KCNN2: variants seen among roughly 807,000 people sequenced by gnomAD.
KCNN2 encodes the protein small conductance calcium-activated potassium channel protein 2.
KCNN2 carries 24 observed loss-of-function variants against 55.5 expected under a neutral mutation model. That is an observed-to-expected ratio of 0.43 (90% confidence interval 0.31 to 0.61). KCNN2 has a LOEUF of 0.61. Ranked by LOEUF, KCNN2 falls within the 20% of genes least tolerant of loss-of-function variation. The pLI, the probability that KCNN2 is intolerant of heterozygous loss-of-function variation, is 0.08. For synonymous variants in KCNN2, 431 were observed against 336.1 expected, an observed-to-expected ratio of 1.28 and a Z score of -3.09; for missense variants, 754 against 853.6, an observed-to-expected ratio of 0.88 and a Z score of 1.45.
chr5:114,404,992 A>G, intron 3 of KCNN2, 136 bp downstream of exon 3: 1 of 672,176 alleles, frequency 1.5e-6, no homozygotes. Context: ...CTTCTTTGAA[A>G]TGACTGTGAC....
intron 1 of KCNN2, among the ~76,000 whole-genome samples, chr5:114,096,408 AG>A (rs1268504214): frequency 6.6e-6 from 1 of 152,288 alleles, no homozygotes; most frequent in African/African-American, 2.4e-5. Flanking sequence ...TCAATTTACA[AG>A]TTCTATTACA....
intron 3 of KCNN2, among the ~76,000 whole-genome samples, chr5:114,420,044 T>G (rs1000889764): frequency 1.3e-5 from 2 of 152,190 alleles, no homozygotes; most frequent in African/African-American, 4.8e-5. Context: ...TGCAGTAAGA[T>G]ATGAAAGAAT....
intron 6 of KCNN2, 139 bp from the exon 7 acceptor site, chr5:114,493,264 C>T: frequency 1.4e-6 from 1 of 727,518 alleles, no homozygotes; most frequent in East Asian, 2.6e-5. Flanking sequence ...GACACATAAC[C>T]AGTTTGGACT....
At chr5:114,299,776 C>T (rs1026909341) in intron 2 of KCNN2, among the ~76,000 whole-genome samples, 1 of 152,194 alleles carries the variant, frequency 6.6e-6, no homozygotes, top group African/African-American at 2.4e-5. Context: ...TCCTCAGCCA[C>T]TTCTGTGCTC....
chr5:114,311,567 T>C (rs1185854579), intron 2 of KCNN2, among the ~76,000 whole-genome samples: 1 of 152,202 alleles, frequency 6.6e-6, no homozygotes, highest in Non-Finnish European at 1.5e-5. Context: ...TCATGTCATC[T>C]CTTTCTACTT....
At position 114,362,946 on chromosome 5, in the gene KCNN2, C is replaced by CGCG. The variant is rs1554083378; in HGVS notation, c.809_810insGGC (p.Ala270dup). 1.9e-6 allele frequency: 3 copies of CGCG among 1,588,158 alleles called. No individual in the cohort carries two copies. Among genetic ancestry groups the CGCG allele is most frequent in the Non-Finnish European group, 2.6e-6 (3 of 1,174,348 alleles). ...CGTCTGCAGCCGCTGCCGCCGCCGC[C>CGCG]GCTGTTTCGTCCTCAGCCCCCGAGA... On this transcript the variant is annotated inframe_insertion, in exon 1 of 8. Transcript: ENST00000673685.
At chr5:114,444,273 G>A (rs1760320787) in intron 3 of KCNN2, among the ~76,000 whole-genome samples, 1 of 152,068 alleles carries the variant, frequency 6.6e-6, no homozygotes, top group Admixed American at 6.5e-5. Flanking sequence ...CAGGTGCCAT[G>A]GACCATACAG....
At chr5:114,073,347 A>G (rs1311695986) in intron 1 of KCNN2, among the ~76,000 whole-genome samples, 3 of 152,204 alleles carry the variant, frequency 2.0e-5, no homozygotes, top group Non-Finnish European at 4.4e-5. Flanking sequence ...AACTTCTTAC[A>G]TGGCTGGCCT....
At chr5:114,154,319 A>C (rs1752585780) in intron 1 of KCNN2, among the ~76,000 whole-genome samples, 1 of 152,076 alleles carries the variant, frequency 6.6e-6, no homozygotes, top group African/African-American at 2.4e-5. Context: ...TGAGCACAAA[A>C]ATTTTGCTTT....
intron 1 of KCNN2, among the ~76,000 whole-genome samples, chr5:114,113,980 T>C (rs1751660578): frequency 6.6e-6 from 1 of 152,084 alleles, no homozygotes; most frequent in South Asian, 2.1e-4. Context: ...TGGGGTGACA[T>C]TTGGATCACC....
intron 1 of KCNN2, among the ~76,000 whole-genome samples, chr5:114,094,401 G>A (rs542329634): frequency 3.3e-5 from 5 of 152,254 alleles, no homozygotes; most frequent in East Asian, 1.9e-4. Flanking sequence ...AGAATCTTTC[G>A]AAAGACTCTG....
At position 114,090,348 on chromosome 5, in the gene KCNN2, G is replaced by T. The variant is rs183681323; in HGVS notation, c.-271+33848G>T. ...ACATAGCAATGAGCTAAAACGTCCA[G>T]AAGAAAGAATTATAAGTACATTTAA... On this transcript the variant is annotated intron_variant, in intron 1 of 10. Transcript: ENST00000512097. Among the ~76,000 whole-genome samples, 349 of 152,156 alleles carry T rather than the reference G, an allele frequency of 2.3e-3. 1 individual carries two copies. The highest frequency in any genetic ancestry group is 7.8e-3 in the African/African-American group (325 of 41,542).
chr5:114,090,048 T>C lies in KCNN2; in HGVS notation c.-271+33548T>C, dbSNP rs574507190. On this transcript the variant is annotated intron_variant, in intron 1 of 10. Transcript: ENST00000512097. The stretch of plus-strand genomic sequence containing the variant: ...AAGCTGGCAAGCTTGAATCAATGGA[T>C]ATCCCTTAATTAAATAAGAAAATAT... Among the ~76,000 whole-genome samples the C allele has an allele frequency of 9.2e-5, 14 of 152,340 alleles. 2 individuals are homozygous for C. The South Asian group carries it at 2.7e-3, about 29-fold the overall frequency.
intron 2 of KCNN2, among the ~76,000 whole-genome samples, chr5:114,309,974 G>GTCT (rs1756363842): frequency 1.3e-5 from 2 of 152,186 alleles, no homozygotes; most frequent in African/African-American, 4.8e-5. Flanking sequence ...CCCAAATGCA[G>GTCT]TTTATTTCAC....
At chr5:114,228,357 C>T (rs780077415) in intron 2 of KCNN2, among the ~76,000 whole-genome samples, 4 of 151,982 alleles carry the variant, frequency 2.6e-5, no homozygotes, top group Non-Finnish European at 2.9e-5. Flanking sequence ...TTGAATATTA[C>T]ATTTATGAAA....
chr5:114,356,791 AT>A, intron 2 of KCNN2, among the ~76,000 whole-genome samples: 1 of 152,274 alleles, frequency 6.6e-6, no homozygotes, highest in South Asian at 2.1e-4. Context: ...TTTTCTTCAA[AT>A]TAGTAGATTT....
intron 2 of KCNN2, among the ~76,000 whole-genome samples, chr5:114,403,432 G>C (rs1401690818): frequency 1.3e-5 from 2 of 152,188 alleles, no homozygotes; most frequent in Non-Finnish European, 2.9e-5. Context: ...CAGTATCTTT[G>C]GAATATATAT....
At chr5:114,274,499 T>G (rs1048491229) in intron 2 of KCNN2, among the ~76,000 whole-genome samples, 6 of 152,218 alleles carry the variant, frequency 3.9e-5, no homozygotes, top group African/African-American at 1.4e-4. Context: ...GTTTGTGTCC[T>G]CCTTTATTTT....
At chr5:114,105,815 C>T (rs942103427) in intron 1 of KCNN2, among the ~76,000 whole-genome samples, 1 of 151,804 alleles carries the variant, frequency 6.6e-6, no homozygotes, top group African/African-American at 2.4e-5. Flanking sequence ...TTTTGTTTGG[C>T]AATAATATAT....
Sources: allele counts gnomAD v4.1 joint callset (sites outside exome capture counted in the v4.1 genomes callset), GRCh38; gene constraint gnomAD v4.1.1; transcripts MANE v1.5; gene names NCBI Gene and HGNC (gene_info 2026-07-23, HGNC 2026-07-21).